The following VPS50 variants were observed in gnomAD, a reference collection of about 807,000 sequenced individuals.
The protein encoded by VPS50 is syndetin.
In VPS50, 70 loss-of-function variants were observed where a neutral mutation model predicts 139.7. The ratio of observed to expected loss-of-function variants is 0.50; its 90% CI spans 0.41 to 0.61. The LOEUF is 0.61. VPS50 is among the 20% of genes least tolerant of loss of function. The pLI, the probability that VPS50 is intolerant of heterozygous loss-of-function variation, is 0.00. For synonymous variants in VPS50, 365 were observed against 376.7 expected, an observed-to-expected ratio of 0.97 and a Z score of 0.36; for missense variants, 921 against 1,133.7, an observed-to-expected ratio of 0.81 and a Z score of 2.69.
In VPS50 at chr7:93,307,399, A is replaced by G. The variant is rs572684346; in HGVS notation, c.1629+1395A>G. Among the ~76,000 whole-genome samples, 16 of 152,032 alleles carry G rather than the reference A, an allele frequency of 1.1e-4. No homozygotes were observed. The South Asian group carries it at 3.3e-3, about 32-fold the overall frequency. On this transcript the variant is annotated intron_variant, in intron 18 of 27. Transcript: ENST00000305866. ...AGTTAAATCACCAACAAAAAGCACAAAAATACAAAGCACTTGGCACTAAAT... is the reference window on the plus strand; with the variant it reads ...AGTTAAATCACCAACAAAAAGCACAGAAATACAAAGCACTTGGCACTAAAT...
chr7:93,355,454 G>A (rs1262323820), intron 26 of VPS50, among the ~76,000 whole-genome samples: 1 of 152,092 alleles, frequency 6.6e-6, no homozygotes, highest in East Asian at 1.9e-4. Flanking sequence ...GTTCATGGGA[G>A]AATTATTTCA....
In VPS50 at chr7:93,306,367, C is replaced by T. The variant is rs576849018; in HGVS notation, c.1629+363C>T. 7.2e-5 allele frequency among the ~76,000 whole-genome samples: 11 copies of T among 151,890 alleles called. No homozygotes were observed. The South Asian group carries it at 8.3e-4, about 11-fold the overall frequency. ...AATAGATATCATCTACCCTTTTTCTCGACACCCTTTATGGGTCACTGATTC... is the reference window on the plus strand; with the variant it reads ...AATAGATATCATCTACCCTTTTTCTTGACACCCTTTATGGGTCACTGATTC... On this transcript the variant is annotated intron_variant, in intron 18 of 27. Transcript: ENST00000305866.
At chr7:93,271,026 T>C (rs2116880040) in intron 9 of VPS50, 194 bp from the exon 10 acceptor site, 1 of 743,086 alleles carries the variant, frequency 1.3e-6, no homozygotes, top group East Asian at 4.0e-5. Context: ...ATCCTGTTGC[T>C]GCTGCTAATG....
chr7:93,351,520 T>C (rs1798557868), intron 25 of VPS50, among the ~76,000 whole-genome samples: 1 of 152,100 alleles, frequency 6.6e-6, no homozygotes, highest in African/African-American at 2.4e-5. Flanking sequence ...AAGTTCAAGA[T>C]CAAGATCAAG....
intron 9 of VPS50, among the ~76,000 whole-genome samples, chr7:93,260,095 T>C (rs908529401): frequency 1.8e-4 from 28 of 152,210 alleles, no homozygotes; most frequent in African/African-American, 6.5e-4. Context: ...ATTTATATAA[T>C]AATAATGTTT....
intron 1 of VPS50, among the ~76,000 whole-genome samples, chr7:93,235,474 G>GAGGCT (rs1334445500): frequency 6.6e-6 from 1 of 152,134 alleles, no homozygotes; most frequent in Non-Finnish European, 1.5e-5. Flanking sequence ...GGTGAATGAT[G>GAGGCT]AGGCTACTGT....
At chr7:93,233,037 G>A (rs1794684004) in intron 1 of VPS50, among the ~76,000 whole-genome samples, 2 of 152,270 alleles carry the variant, frequency 1.3e-5, no homozygotes, top group South Asian at 4.2e-4. Flanking sequence ...GAGGGTCATC[G>A]ATAAGCTAAT....
chr7:93,326,229 T>C (rs1468472578), intron 21 of VPS50, among the ~76,000 whole-genome samples: 1 of 137,906 alleles, frequency 7.3e-6, no homozygotes, highest in South Asian at 2.3e-4. Flanking sequence ...TTCTCACTCA[T>C]AGGTGGGAAT....
chr7:93,305,417 C>A (rs1221392187), intron 17 of VPS50, among the ~76,000 whole-genome samples: 5 of 151,876 alleles, frequency 3.3e-5, no homozygotes, highest in Non-Finnish European at 7.4e-5. Flanking sequence ...TACAGAATAT[C>A]TTAAGTGGTG....
At chr7:93,244,367 G>T (rs1795088897) in intron 2 of VPS50, among the ~76,000 whole-genome samples, 1 of 151,878 alleles carries the variant, frequency 6.6e-6, no homozygotes, top group Non-Finnish European at 1.5e-5. Flanking sequence ...GCTAACTGCA[G>T]AGCTTGGTTT....
intron 27 of VPS50, 43 bp downstream of exon 27, chr7:93,356,123 C>G: frequency 1.0e-6 from 1 of 991,212 alleles, no homozygotes; most frequent in Non-Finnish European, 1.5e-6. Context: ...ATTCCTTTTT[C>G]TTTGTGCTGT....
chr7:93,305,216 T>G lies in VPS50; in HGVS notation c.1453-612T>G, dbSNP rs185416328. Among the ~76,000 whole-genome samples, 509 of 152,012 alleles carry G rather than the reference T, an allele frequency of 3.3e-3. 2 individuals are homozygous for G. Among genetic ancestry groups the G allele is most frequent in the African/African-American group, 0.012 (480 of 41,552 alleles). On this transcript the variant is annotated intron_variant, in intron 17 of 27. Transcript: ENST00000305866. The stretch of plus-strand genomic sequence containing the variant: ...CCTTCAGACTGCCTCAGTTTCCTCA[T>G]GTGGTTAATGCATGACTTAGACTGG...
At chr7:93,301,580 C>T (rs545477471) in intron 16 of VPS50, among the ~76,000 whole-genome samples, 75 of 152,248 alleles carry the variant, frequency 4.9e-4, no homozygotes, top group Admixed American at 1.2e-3. Context: ...ATAAATACCA[C>T]AAACCTGTCT....
intron 2 of VPS50, 83 bp from the exon 3 acceptor site, chr7:93,252,570 T>A (rs1795366015): frequency 1.0e-6 from 1 of 952,718 alleles, no homozygotes. Flanking sequence ...GATGTGACTG[T>A]TAAGACAAAT....
At chr7:93,240,399 CA>C (rs1794953220) in intron 2 of VPS50, among the ~76,000 whole-genome samples, 1 of 152,132 alleles carries the variant, frequency 6.6e-6, no homozygotes, top group African/African-American at 2.4e-5. Context: ...TTTGAAAAAG[CA>C]TCTAAACCAT....
rs188540749 is a variant in VPS50, at chr7:93,285,984, T to A, written c.943-5719T>A. ...TGTTATAGAGTTTATGGATTTTTTTTAAATTAGGATGGTTAAAATTTCCTT... is the reference window on the plus strand; with the variant it reads ...TGTTATAGAGTTTATGGATTTTTTTAAAATTAGGATGGTTAAAATTTCCTT... On this transcript the variant is annotated intron_variant, in intron 12 of 27. Coordinates refer to ENST00000305866, the MANE Select transcript of VPS50 (RefSeq NM_017667.4). 6.3e-3 allele frequency among the ~76,000 whole-genome samples: 953 copies of A among 152,292 alleles called. 11 individuals carry two copies. The highest frequency in any genetic ancestry group is 0.022 in the African/African-American group (922 of 41,562).
chr7:93,292,090 C>A (rs1196569794), intron 13 of VPS50, among the ~76,000 whole-genome samples: 1 of 151,958 alleles, frequency 6.6e-6, no homozygotes, highest in Admixed American at 6.6e-5. Flanking sequence ...GGCTTTAGGA[C>A]TGAATTTATA....
chr7:93,284,107 G>C (rs1324257170), intron 12 of VPS50, among the ~76,000 whole-genome samples: 1 of 152,032 alleles, frequency 6.6e-6, no homozygotes, highest in Non-Finnish European at 1.5e-5. Flanking sequence ...GAGGGGGATT[G>C]GATTGGAGAT....
Position 93,256,499 on chromosome 7 carries a change from C to T in VPS50, c.298-10C>T. On this transcript the variant is annotated splice_polypyrimidine_tract_variant and intron_variant, in intron 4 of 27. Transcript: ENST00000305866. Reference sequence around the variant, plus strand: ...TTTTATTTCCTTTGTTTGATTACATCTTCTTATAGGTATCTAAAAAAGTGG... The same window carrying T: ...TTTTATTTCCTTTGTTTGATTACATTTTCTTATAGGTATCTAAAAAAGTGG... 7.7e-7 allele frequency: 1 copy of T among 1,296,950 alleles called. No individual in the cohort carries two copies. The highest frequency in any genetic ancestry group is 1.5e-5 in the South Asian group (1 of 67,250). The allele number at this position is 1,296,950 out of a possible 1,614,324, so 80.3% of individuals were successfully genotyped here. A position where few individuals can be genotyped will look rare whatever the true frequency, so the allele number is the denominator to read the frequency against.
Sources: allele counts gnomAD v4.1 joint callset (sites outside exome capture counted in the v4.1 genomes callset), GRCh38; gene constraint gnomAD v4.1.1; transcripts MANE v1.5; gene names NCBI Gene and HGNC (gene_info 2026-07-23, HGNC 2026-07-21).